The following ABTB3 variants were observed in gnomAD, a reference collection of about 807,000 sequenced individuals.
ABTB3 encodes ankyrin repeat- and BTB/POZ domain-containing protein 3.
the ABTB3 span, among the ~76,000 whole-genome samples, chr12:107,482,940 CTTT>C: frequency 4.8e-5 from 1 of 20,760 alleles, no homozygotes; most frequent in Non-Finnish European, 1.0e-4. Context: ...TTCTTTCTTT[CTTT>C]CTTTCTTTCT....
the ABTB3 span, among the ~76,000 whole-genome samples, chr12:107,399,718 G>A: frequency 6.6e-6 from 1 of 152,156 alleles, no homozygotes; most frequent in Admixed American, 6.5e-5. Context: ...TGTGCAGAAT[G>A]TGCAGGTTTG....
At chr12:107,560,969 T>C in the ABTB3 span, among the ~76,000 whole-genome samples, 2 of 152,224 alleles carry the variant, frequency 1.3e-5, no homozygotes, top group Non-Finnish European at 2.9e-5. Context: ...GCTTTCTCAG[T>C]TCTTTCAAAC....
At chr12:107,327,144 A>C in the ABTB3 span, among the ~76,000 whole-genome samples, 21 of 152,210 alleles carry the variant, frequency 1.4e-4, no homozygotes, top group Non-Finnish European at 2.1e-4. Flanking sequence ...ATTAAAATTA[A>C]GGTTTATAGA....
chr12:107,405,527 A>G, the ABTB3 span, among the ~76,000 whole-genome samples: 6 of 152,246 alleles, frequency 3.9e-5, no homozygotes, highest in Non-Finnish European at 7.3e-5. Flanking sequence ...TGGGGCAGGC[A>G]AGGGATCAGA....
the ABTB3 span, among the ~76,000 whole-genome samples, chr12:107,328,101 C>T: frequency 2.6e-5 from 4 of 152,086 alleles, no homozygotes; most frequent in African/African-American, 9.7e-5. Context: ...GGGCAGCCAC[C>T]CACAGCCACA....
the ABTB3 span, among the ~76,000 whole-genome samples, chr12:107,600,506 G>A: frequency 1.6e-4 from 24 of 152,168 alleles, no homozygotes; most frequent in Non-Finnish European, 8.8e-5. Flanking sequence ...TAATCTGACT[G>A]CTGGATGGAG....
At chr12:107,582,634 G>A in the ABTB3 span, among the ~76,000 whole-genome samples, 7 of 152,184 alleles carry the variant, frequency 4.6e-5, no homozygotes, top group Non-Finnish European at 8.8e-5. Context: ...TTTAATCCCC[G>A]AAGCGGCATC....
chr12:107,467,571 C>T, the ABTB3 span, among the ~76,000 whole-genome samples: 2 of 152,116 alleles, frequency 1.3e-5, no homozygotes, highest in African/African-American at 4.8e-5. Context: ...CTGGATTCTG[C>T]GTTACTCCAC....
the ABTB3 span, among the ~76,000 whole-genome samples, chr12:107,375,371 T>C: frequency 6.6e-6 from 1 of 152,116 alleles, no homozygotes; most frequent in Non-Finnish European, 1.5e-5. Context: ...TGAGCCAAGA[T>C]TGTGCCGCTG....
At chr12:107,550,302 G>C in the ABTB3 span, among the ~76,000 whole-genome samples, 1 of 152,046 alleles carries the variant, frequency 6.6e-6, no homozygotes, top group Admixed American at 6.6e-5. Context: ...AACAGGACCT[G>C]TCATTGTTTC....
At chr12:107,332,646 G>A in the ABTB3 span, among the ~76,000 whole-genome samples, 3 of 152,198 alleles carry the variant, frequency 2.0e-5, no homozygotes, top group East Asian at 5.8e-4. Context: ...AGAGAAGTGA[G>A]GCAGCTGTCC....
At chr12:107,636,252 C>T in the ABTB3 span, among the ~76,000 whole-genome samples, 505 of 152,206 alleles carry the variant, frequency 3.3e-3, 5 homozygotes, top group African/African-American at 0.011. Flanking sequence ...CTGTTGCAAC[C>T]GAGTTGATCA....
chr12:107,461,370 C>G, the ABTB3 span, among the ~76,000 whole-genome samples: 1 of 152,058 alleles, frequency 6.6e-6, no homozygotes, highest in African/African-American at 2.4e-5. Context: ...GAGACACAGA[C>G]ACAGATGGAA....
At chr12:107,643,183 A>T in the ABTB3 span, among the ~76,000 whole-genome samples, 1 of 151,978 alleles carries the variant, frequency 6.6e-6, no homozygotes. Context: ...AGGTGGGAGG[A>T]TCACTTAAGC....
At chr12:107,614,672 C>T in the ABTB3 span, among the ~76,000 whole-genome samples, 8 of 152,176 alleles carry the variant, frequency 5.3e-5, no homozygotes, top group East Asian at 1.9e-4. Flanking sequence ...ACCTGAGAGG[C>T]GATCAGAATC....
the ABTB3 span, among the ~76,000 whole-genome samples, chr12:107,508,434 ATTTCTTTTT>A: frequency 1.7e-5 from 1 of 58,718 alleles, no homozygotes; most frequent in Non-Finnish European, 3.8e-5. Context: ...CTCAAAGATC[ATTTCTTTTT>A]TTTTTTTTTT....
At chr12:107,319,317 A>T in the ABTB3 span, 1 of 1,545,720 alleles carries the variant, frequency 6.5e-7, no homozygotes, top group Non-Finnish European at 8.7e-7. Flanking sequence ...GGCCTGCCCA[A>T]GGACGCGCTG....
the ABTB3 span, among the ~76,000 whole-genome samples, chr12:107,386,890 AGTGT>A: frequency 2.6e-3 from 379 of 143,308 alleles, no homozygotes; most frequent in South Asian, 0.012. Flanking sequence ...GGAAATGGAA[AGTGT>A]GTGTGTGTGT....
At chr12:107,638,577 C>T in the ABTB3 span, among the ~76,000 whole-genome samples, 9 of 152,212 alleles carry the variant, frequency 5.9e-5, no homozygotes, top group Non-Finnish European at 5.9e-5. Context: ...CCCGGGTCCT[C>T]GGCAGCCTCC....
Sources: gnomAD v4.1 joint callset for allele counts (sites outside exome capture counted in the v4.1 genomes callset) on GRCh38, gnomAD v4.1.1 for gene constraint, MANE v1.5 for transcripts, NCBI Gene and HGNC (gene_info 2026-07-23, HGNC 2026-07-21) for gene names.